TONSL: variants seen among roughly 807,000 people sequenced by gnomAD.
TONSL encodes the protein tonsoku like, DNA repair protein, also known as tonsoku-like protein.
TONSL carries 112 observed loss-of-function variants against 147.1 expected under a neutral mutation model. The observed-to-expected ratio is 0.76, with a 90% confidence interval of 0.65 to 0.89. The LOEUF (loss-of-function observed/expected upper bound fraction) is 0.89. TONSL is among the 40% of genes least tolerant of loss of function. The pLI is 0.00. For synonymous variants in TONSL, 868 were observed against 801.5 expected (o/e 1.08, Z -1.40); for missense variants, 1,883 against 1,864.6 (o/e 1.01, Z -0.18).
At chr8:144,440,640 C>A in intron 9 of TONSL, 78 bp downstream of exon 9, 1 of 1,554,308 alleles carries the variant, frequency 6.4e-7, no homozygotes, top group South Asian at 1.2e-5. Context: ...GACACCTGTC[C>A]ATGGCCACCC....
chr8:144,440,297 G>GC, intron 10 of TONSL, 54 bp downstream of exon 10: 1 of 1,561,828 alleles, frequency 6.4e-7, no homozygotes. Context: ...CAGGCAGGCT[G>GC]CAACGAAGCT....
At chr8:144,439,171 C>A (rs980599251) in intron 11 of TONSL, among the ~76,000 whole-genome samples, 4 of 152,098 alleles carry the variant, frequency 2.6e-5, no homozygotes, top group Non-Finnish European at 5.9e-5. Context: ...GCCTGGGTAT[C>A]CTGCACCTTG....
chr8:144,435,443 G>C, intron 18 of TONSL, 31 bp downstream of exon 18: 3 of 1,507,430 alleles, frequency 2.0e-6, no homozygotes, highest in Non-Finnish European at 2.7e-6. Flanking sequence ...CTGCACAGGT[G>C]GGCTGCGGGG....
In TONSL at chr8:144,440,723, G is replaced by C. The variant is rs1564733258; in HGVS notation, c.1159C>G (p.Leu387Val). The change falls in exon 9 of 26, where the codon CTG becomes GTG. Residue 387 changes from leucine (L) to valine (V), a missense_variant. Transcript: ENST00000409379. ...EELRLRSGNV[L>V]EEAKTWLNIA... Reference sequence around the variant, plus strand: ...GCGGGGAGCAAGGGTTTCACCTCCAGCACGTTGCCGCTGCGCAGCCTCAGT... The same window carrying C: ...GCGGGGAGCAAGGGTTTCACCTCCACCACGTTGCCGCTGCGCAGCCTCAGT... 6.2e-7 allele frequency: 1 copy of C among 1,612,198 alleles called. No homozygotes were observed. The highest frequency in any genetic ancestry group is 8.5e-7 in the Non-Finnish European group (1 of 1,179,632).
chr8:144,438,948 A>G (rs1425931192), intron 11 of TONSL, among the ~76,000 whole-genome samples: 1 of 151,868 alleles, frequency 6.6e-6, no homozygotes, highest in African/African-American at 2.4e-5. Flanking sequence ...GCTCCTGCCC[A>G]CCATCCCTCT....
In TONSL at chr8:144,433,744, C is replaced by A. The variant is rs1161654520; in HGVS notation, c.3403G>T (p.Asp1135Tyr). 1.9e-6 allele frequency: 3 copies of A among 1,585,446 alleles called. No individual in the cohort carries two copies. Among genetic ancestry groups the A allele is most frequent in the Non-Finnish European group, 2.6e-6 (3 of 1,166,980 alleles). ...QATLQSLEEL[D>Y]LSMNPLGDGC... ...TCCCCCAGGGGGTTCATGCTTAAGT[C>A]CAGCTCCTCCAAACTCTGTGGAAGA... The change falls in exon 22 of 26, where the codon GAC (aspartate) becomes TAC (tyrosine). Residue 1135 changes from aspartate to tyrosine, a missense_variant. Coordinates refer to ENST00000409379, the MANE Select transcript of TONSL (RefSeq NM_013432.5).
At chr8:144,439,918 T>A (rs1586693914) in intron 11 of TONSL, 103 bp downstream of exon 11, 1 of 646,510 alleles carries the variant, frequency 1.5e-6, no homozygotes, top group South Asian at 1.8e-5. Flanking sequence ...CCTGTGGCTG[T>A]TCCTGCTACA....
In TONSL at chr8:144,436,853, G is replaced by A. The variant is rs1823483938; in HGVS notation, c.1794C>T (p.Gly598=). ...TGAGGGCATCGTGGAGGGGGGTGAT[G>A]CCTTCGCAGCCCTGGCCACCTGGGT... ...VDDPGGQGCE[G]ITPLHDALNC... Residue 598 remains glycine (G), a synonymous_variant, in exon 15 of 26, where the codon GGC becomes GGT. Coordinates refer to ENST00000409379, the MANE Select transcript of TONSL (RefSeq NM_013432.5). The A allele has an allele frequency of 4.3e-6, 7 of 1,610,196 alleles. No individual in the cohort carries two copies. Among genetic ancestry groups the A allele is most frequent in the Non-Finnish European group, 5.9e-6 (7 of 1,179,910 alleles).
intron 13 of TONSL, among the ~76,000 whole-genome samples, chr8:144,437,358 C>T (rs1374145780): frequency 4.6e-5 from 7 of 152,224 alleles, no homozygotes; most frequent in Admixed American, 1.3e-4. Flanking sequence ...TGCACCTGGT[C>T]GCAGGGGCAT....
chr8:144,434,840 T>C lies in TONSL; in HGVS notation c.3056A>G (p.Tyr1019Cys). The C allele has an allele frequency of 1.2e-6, 2 of 1,613,484 alleles. No individual in the cohort carries two copies. The highest frequency in any genetic ancestry group is 1.1e-5 in the South Asian group (1 of 91,086). ...CCCCAGGCTCTGGCAGGCCCTGCGGTAGCGGTCAGTCAACGGGGGCAGGTC... is the reference window on the plus strand; with the variant it reads ...CCCCAGGCTCTGGCAGGCCCTGCGGCAGCGGTCAGTCAACGGGGGCAGGTC... ...SWDLPPLTDRYRRACQSLGQG... is the reference protein window; with the variant it reads ...SWDLPPLTDRCRRACQSLGQG... The change falls in exon 20 of 26, where the codon TAC becomes TGC. Residue 1019 changes from tyrosine to cysteine, a missense_variant. Physicochemically the swap from Tyr to Cys is radical, Grantham distance 194. Transcript: ENST00000409379.
chr8:144,444,371 G>A lies in TONSL; in HGVS notation c.25+19C>T. On this transcript the variant is annotated intron_variant, in intron 1 of 25. Coordinates refer to ENST00000409379, the MANE Select transcript of TONSL (RefSeq NM_013432.5). ...CCAGCCTCCGCGCCCCCGGAGGAAG[G>A]GGTCCCCGAGGAACTTACGGCGAAG... 1 of 1,280,780 alleles carries A rather than the reference G, an allele frequency of 7.8e-7. No homozygotes were observed. The highest frequency in any genetic ancestry group is 9.9e-7 in the Non-Finnish European group (1 of 1,011,632). 79.3% of individuals were successfully genotyped at this position (1,280,780 alleles called of 1,614,324 possible).
At chr8:144,436,998 G>A (rs1823491522) in intron 14 of TONSL, 29 bp downstream of exon 14, 1 of 1,612,854 alleles carries the variant, frequency 6.2e-7, no homozygotes, top group African/African-American at 1.3e-5. Flanking sequence ...CCACCAAGGT[G>A]CGCCAGGCTC....
chr8:144,429,008 C>G lies in TONSL; in HGVS notation c.*135G>C. ...GTTTCACCATGTTAGCCAGGATGGTCTCGATCTCCTGACCTCGTGATCCGC... is the reference window on the plus strand; with the variant it reads ...GTTTCACCATGTTAGCCAGGATGGTGTCGATCTCCTGACCTCGTGATCCGC... On this transcript the variant is annotated 3_prime_UTR_variant, in exon 26 of 26. Transcript: ENST00000409379. 2 of 1,021,364 alleles carry G rather than the reference C, an allele frequency of 2.0e-6. No individual in the cohort carries two copies. The highest frequency in any genetic ancestry group is 3.0e-5 in the East Asian group (1 of 33,062). 63.3% of individuals were successfully genotyped at this position (1,021,364 alleles called of 1,614,324 possible). A position where few individuals can be genotyped will look rare whatever the true frequency, so the allele number is the denominator to read the frequency against.
chr8:144,435,818 G>T lies in TONSL; in HGVS notation c.2615C>A (p.Pro872His), dbSNP rs1304329184. The change falls in exon 17 of 26, where the codon CCC becomes CAC. Residue 872 changes from proline (P) to histidine (H), a missense_variant. Pro to His is a moderately conservative substitution (Grantham distance 77). Transcript: ENST00000409379. ...TSGSDSEESR[P>H]RARAKQVRLT... ...GCGGACCTGCTTGGCTCGGGCACGGGGCCTGCTCTCCTCACTGTCCGACCC... is the reference window on the plus strand; with the variant it reads ...GCGGACCTGCTTGGCTCGGGCACGGTGCCTGCTCTCCTCACTGTCCGACCC... The T allele has an allele frequency of 2.5e-6, 4 of 1,612,482 alleles. No homozygotes were observed. Among genetic ancestry groups the T allele is most frequent in the Non-Finnish European group, 1.7e-6 (2 of 1,179,818 alleles).
chr8:144,433,577 G>A lies in TONSL; in HGVS notation c.3559+11C>T, dbSNP rs782354110. The A allele has an allele frequency of 1.1e-5, 18 of 1,612,772 alleles. No individual in the cohort carries two copies. Among genetic ancestry groups the A allele is most frequent in the Non-Finnish European group, 1.3e-5 (15 of 1,179,582 alleles). On this transcript the variant is annotated intron_variant, in intron 22 of 25. Coordinates refer to ENST00000409379, the MANE Select transcript of TONSL (RefSeq NM_013432.5). ...GCTAGGGAGTGGACAGGGAGTGCCT[G>A]GTCAGCTCACCTTGGAAAGCACTAC...
In TONSL at chr8:144,430,474, A is replaced by G; in HGVS notation, c.3873T>C (p.Cys1291=). Reference sequence around the variant, plus strand: ...TGGACAGGAGCTCTTCCAAGCTGGCACAGCTGATCTCAGGGTTGGCAGACA... The same window carrying G: ...TGGACAGGAGCTCTTCCAAGCTGGCGCAGCTGATCTCAGGGTTGGCAGACA... ...LDLSANPEIS[C]ASLEELLSTL... Residue 1291 remains cysteine (C), a synonymous_variant, in exon 25 of 26, where the codon TGT becomes TGC. Coordinates refer to ENST00000409379, the MANE Select transcript of TONSL (RefSeq NM_013432.5). 6.2e-7 allele frequency: 1 copy of G among 1,613,552 alleles called. No individual in the cohort carries two copies. The highest frequency in any genetic ancestry group is 8.5e-7 in the Non-Finnish European group (1 of 1,179,738).
intron 23 of TONSL, among the ~76,000 whole-genome samples, chr8:144,431,828 C>G (rs1266960006): frequency 1.6e-5 from 2 of 124,656 alleles, no homozygotes; most frequent in African/African-American, 3.0e-5. Context: ...TTTTCTTTTT[C>G]TTTCTTTTTT....
intron 23 of TONSL, among the ~76,000 whole-genome samples, chr8:144,431,901 T>C (rs1255456013): frequency 6.7e-6 from 1 of 149,900 alleles, no homozygotes; most frequent in Non-Finnish European, 1.5e-5. Flanking sequence ...CAATCTAGGC[T>C]CACTGCAACC....
intron 18 of TONSL, 150 bp from the exon 19 acceptor site, chr8:144,435,320 A>G (rs1232186773): frequency 1.6e-6 from 2 of 1,249,440 alleles, no homozygotes; most frequent in Non-Finnish European, 2.2e-6. Context: ...AGCCCAGCAC[A>G]CCACCAGCCC....
Sources: allele counts gnomAD v4.1 joint callset (sites outside exome capture counted in the v4.1 genomes callset), GRCh38; gene constraint gnomAD v4.1.1; transcripts MANE v1.5; gene names NCBI Gene and HGNC (gene_info 2026-07-23, HGNC 2026-07-21).